Variants in UMODL1 observed in about 807,000 individuals in gnomAD.
UMODL1 encodes uromodulin like 1, also known as uromodulin-like 1.
A neutral mutation model predicts 136.3 loss-of-function variants in UMODL1; 128 were observed. The observed-to-expected ratio is 0.94, with a 90% CI of 0.81 to 1.09. UMODL1 has a LOEUF of 1.09. Ranked by LOEUF, UMODL1 falls within the 50% of genes least tolerant of loss-of-function variation. The pLI, the probability that UMODL1 is intolerant of heterozygous loss-of-function variation, is 0.00. For synonymous variants in UMODL1, 721 were observed against 720.0 expected, an observed-to-expected ratio of 1.00 and a Z score of -0.02; for missense variants, 1,766 against 1,725.6, an observed-to-expected ratio of 1.02 and a Z score of -0.41.
In UMODL1 at chr21:42,123,212, G is replaced by A; in HGVS notation, c.3147+62G>A. 1 of 1,525,992 alleles carries A rather than the reference G, an allele frequency of 6.6e-7. No individual in the cohort carries two copies. The highest frequency in any genetic ancestry group is 8.8e-7 in the Non-Finnish European group (1 of 1,130,806). The allele number at this position is 1,525,992 out of a possible 1,614,324, so 94.5% of individuals were successfully genotyped here. On this transcript the variant is annotated intron_variant, in intron 17 of 22. Transcript: ENST00000408910. This position sits in a 1 kb window ranked among gnomAD's most constrained non-coding sequence, Gnocchi z 4.4. The stretch of plus-strand genomic sequence containing the variant: ...GGGCGCAAGGGGCTCTAGGTTACAT[G>A]GGCCTCGATGTGGGAGGGCCAGGCA...
At chr21:42,066,403 C>T (rs920490943), upstream of UMODL1, among the ~76,000 whole-genome samples, 11 of 152,236 alleles carry the variant, frequency 7.2e-5, no homozygotes. Flanking sequence ...CTGCCTCAGC[C>T]TTCCGAGTAG....
rs371141817 is a variant in UMODL1, at chr21:42,102,211, T to A, written c.1232T>A (p.Leu411Gln). The stretch of plus-strand genomic sequence containing the variant: ...ACAATAAAGATTGTAAACCACAACC[T>A]GACGGAGAAGTTACTCAACCGCAGC... ...EVTIKIVNHN[L>Q]TEKLLNRSSV... Residue 411 changes from leucine (L) to glutamine (Q), a missense_variant, in exon 8 of 23, where the codon CTG becomes CAG. Coordinates refer to ENST00000408910, the MANE Select transcript of UMODL1 (RefSeq NM_001004416.3). 61 of 1,613,732 alleles carry A rather than the reference T, an allele frequency of 3.8e-5. No individual in the cohort carries two copies. The African/African-American group carries it at 6.3e-4, about 17-fold the overall frequency.
chr21:42,112,543 C>CACCCCCAGCTGTTCTGT (rs1343596357), intron 12 of UMODL1, among the ~76,000 whole-genome samples: 1 of 151,778 alleles, frequency 6.6e-6, no homozygotes, highest in Non-Finnish European at 1.5e-5. Flanking sequence ...AGCTGTTCTG[C>CACCCCCAGCTGTTCTGT]ACCCCCAGCT....
intron 2 of UMODL1, among the ~76,000 whole-genome samples, chr21:42,077,033 G>GGTGGC (rs2066301918): frequency 7.6e-6 from 1 of 132,440 alleles, no homozygotes; most frequent in African/African-American, 3.7e-5. Context: ...GTGTGTGTGT[G>GGTGGC]TGTGTGTGTG....
intron 17 of UMODL1, among the ~76,000 whole-genome samples, chr21:42,124,529 T>G (rs2067025955): frequency 6.6e-6 from 1 of 152,000 alleles, no homozygotes; most frequent in African/African-American, 2.4e-5. Flanking sequence ...GTCCGAGTGG[T>G]TCTGGTCAGG....
upstream of UMODL1, among the ~76,000 whole-genome samples, chr21:42,067,620 C>A (rs1224234968): frequency 6.6e-6 from 1 of 152,242 alleles, no homozygotes; most frequent in Non-Finnish European, 1.5e-5. Flanking sequence ...TGAAAACACA[C>A]CGGCACGTGC....
intron 21 of UMODL1, among the ~76,000 whole-genome samples, chr21:42,133,213 A>T (rs1220605449): frequency 1.3e-5 from 2 of 152,210 alleles, no homozygotes; most frequent in East Asian, 3.8e-4. Context: ...GACTGCAGAG[A>T]TGAGAGGAGG....
intron 1 of UMODL1, among the ~76,000 whole-genome samples, chr21:42,074,888 T>C (rs1448052434): frequency 6.6e-6 from 1 of 151,486 alleles, no homozygotes; most frequent in Non-Finnish European, 1.5e-5. Flanking sequence ...CCACAATTTT[T>C]TATTTTATTT....
Position 42,104,058 on chromosome 21 carries a change from A to G in UMODL1, c.1490A>G (p.Gln497Arg). Residue 497 changes from glutamine (Q) to arginine (R), a missense_variant, in exon 9 of 23, where the codon CAG (glutamine) becomes CGG (arginine). Gln to Arg is a conservative substitution (Grantham distance 43, BLOSUM62 1). Coordinates refer to ENST00000408910, the MANE Select transcript of UMODL1 (RefSeq NM_001004416.3). ...CCCCTGTTGGCAAGCACAGTGTTCC[A>G]GATTGACCGGCAGGGGACACGCGTG... ...LQPLLASTVF[Q>R]IDRQGTRVQD... The G allele has an allele frequency of 6.2e-7, 1 of 1,613,196 alleles. No individual in the cohort carries two copies. Among genetic ancestry groups the G allele is most frequent in the South Asian group, 1.1e-5 (1 of 91,072 alleles).
chr21:42,069,647 G>A (rs2066212537), upstream of UMODL1, among the ~76,000 whole-genome samples: 1 of 152,150 alleles, frequency 6.6e-6, no homozygotes, highest in South Asian at 2.1e-4. Context: ...TAGGGCAATC[G>A]TGAAGATGAG....
chr21:42,113,712 G>A lies in UMODL1; in HGVS notation c.2244G>A (p.Glu748=). The A allele has an allele frequency of 6.2e-7, 1 of 1,614,112 alleles. No homozygotes were observed. Among genetic ancestry groups the A allele is most frequent in the Non-Finnish European group, 8.5e-7 (1 of 1,180,040 alleles). The change falls in exon 13 of 23, where the codon GAG becomes GAA. Residue 748 remains glutamate (E), a synonymous_variant. Transcript: ENST00000408910. ...TSMWSPAVVL[E]TWNTSVTLSG... ...TGTGGAGCCCTGCTGTGGTCCTAGAGACCTGGAACACGAGTGTGACACTGT... is the reference window on the plus strand; with the variant it reads ...TGTGGAGCCCTGCTGTGGTCCTAGAAACCTGGAACACGAGTGTGACACTGT...
In UMODL1 at chr21:42,131,065, G is replaced by A. The variant is rs533774865; in HGVS notation, c.3775+1268G>A. On this transcript the variant is annotated intron_variant, in intron 21 of 22. Coordinates refer to ENST00000408910, the MANE Select transcript of UMODL1 (RefSeq NM_001004416.3). ...CCTGACCTCATGATTTGCCCACCTC[G>A]GCCTCCCAAAGTGCTAGGATTACAG... Among the ~76,000 whole-genome samples, 76 of 152,146 alleles carry A rather than the reference G, an allele frequency of 5.0e-4. 1 individual carries two copies. Among genetic ancestry groups the A allele is most frequent in the African/African-American group, 1.6e-3 (68 of 41,506 alleles).
rs1010884233 is a variant in UMODL1, at chr21:42,085,792, G to A, written c.603+380G>A. 6.6e-6 allele frequency among the ~76,000 whole-genome samples: 1 copy of A among 152,116 alleles called. No homozygotes were observed. Among genetic ancestry groups the A allele is most frequent in the Non-Finnish European group, 1.5e-5 (1 of 68,028 alleles). On this transcript the variant is annotated intron_variant, in intron 4 of 22. Transcript: ENST00000408910. This position sits in a 1 kb window ranked among gnomAD's most constrained non-coding sequence, Gnocchi z 4.5. The stretch of plus-strand genomic sequence containing the variant: ...CCAATTTCTTCAAGTTCTGGCTCCT[G>A]CTTCGTGGAAGCCAGCACCAACCTG...
At position 42,099,236 on chromosome 21, in the gene UMODL1, G is replaced by A; in HGVS notation, c.1186+56G>A. 6.3e-7 allele frequency: 1 copy of A among 1,588,606 alleles called. No individual in the cohort carries two copies. Among genetic ancestry groups the A allele is most frequent in the Non-Finnish European group, 8.6e-7 (1 of 1,165,712 alleles). On this transcript the variant is annotated intron_variant, in intron 7 of 22. Transcript: ENST00000408910. This position sits in a 1 kb window ranked among gnomAD's most constrained non-coding sequence, Gnocchi z 4.1. ...CTTGCGAGCTTGTCTTTCTATCCCA[G>A]GTCTGTGGCCCTAGCATGTCGCGTT...
At chr21:42,120,097 A>AAGCC (rs2066950561) in intron 15 of UMODL1, among the ~76,000 whole-genome samples, 1 of 152,264 alleles carries the variant, frequency 6.6e-6, no homozygotes, top group Non-Finnish European at 1.5e-5. Context: ...ATGACTAACA[A>AAGCC]AGATGTGGTA....
intron 2 of UMODL1, among the ~76,000 whole-genome samples, chr21:42,081,649 G>A (rs1048484107): frequency 6.6e-6 from 1 of 152,158 alleles, no homozygotes; most frequent in South Asian, 2.1e-4. Context: ...GTTTAGAATA[G>A]TTTTAGATTT....
chr21:42,091,692 T>A (rs113558173), intron 6 of UMODL1, among the ~76,000 whole-genome samples: 15 of 152,240 alleles, frequency 9.9e-5, no homozygotes, highest in African/African-American at 3.6e-4. Context: ...GTGTTTCCAT[T>A]GGAGAGGATG....
In UMODL1 at chr21:42,076,081, G is replaced by GCAGA; in HGVS notation, c.155_158dup (p.Ser54AspfsTer20). On this transcript the variant is annotated frameshift_variant, in exon 2 of 23. Transcript: ENST00000408910. LOFTEE classifies it high-confidence loss of function. ...ACACTGTACAGAAGGTGGAGGCCGT[G>GCAGA]CAGACGTCCTACACGTCCTATGTGT... 6.2e-7 allele frequency: 1 copy of GCAGA among 1,614,274 alleles called. No individual in the cohort carries two copies. The highest frequency in any genetic ancestry group is 8.5e-7 in the Non-Finnish European group (1 of 1,180,052).
chr21:42,113,579 T>C lies in UMODL1; in HGVS notation c.2111T>C (p.Val704Ala). 5 of 1,610,522 alleles carry C rather than the reference T, an allele frequency of 3.1e-6. No individual in the cohort carries two copies. Among genetic ancestry groups the C allele is most frequent in the Non-Finnish European group, 4.2e-6 (5 of 1,177,202 alleles). ...TTTATATTCCACTTCCCAGTTCCTG[T>C]CTCCATTGGGAGGATCATGGTCTCC... The part of the protein sequence containing the change: ...TALKTPACVP[V>A]SIGRIMVSNV... Residue 704 changes from valine to alanine, a missense_variant, in exon 13 of 23, where the codon GTC becomes GCC. Coordinates refer to ENST00000408910, the MANE Select transcript of UMODL1 (RefSeq NM_001004416.3).
Sources: gnomAD v4.1 joint callset for allele counts (sites outside exome capture counted in the v4.1 genomes callset) on GRCh38, gnomAD v4.1.1 for gene constraint, Gnocchi (gnomAD v3.1) non-coding constraint, MANE v1.5 for transcripts, NCBI Gene and HGNC (gene_info 2026-07-23, HGNC 2026-07-21) for gene names.